Variants in ANKRD6 observed in about 807,000 individuals in gnomAD.
The protein encoded by ANKRD6 is ankyrin repeat domain 6.
In ANKRD6, 56 loss-of-function variants were observed where a neutral mutation model predicts 82.3. The ratio of observed to expected loss-of-function variants is 0.68; its 90% CI spans 0.55 to 0.85. The LOEUF is 0.85. Ranked by LOEUF, ANKRD6 falls within the 40% of genes least tolerant of loss-of-function variation. The pLI is 0.00. For missense variants in ANKRD6, 852 were observed against 907.6 expected, an observed-to-expected ratio of 0.94 and a Z score of 0.79; for synonymous variants, 347 against 352.1, an observed-to-expected ratio of 0.99 and a Z score of 0.16.
chr6:89,578,764 A>G (rs1791756463), intron 2 of ANKRD6, among the ~76,000 whole-genome samples: 1 of 152,168 alleles, frequency 6.6e-6, no homozygotes, highest in Non-Finnish European at 1.5e-5. Context: ...AGCTCTGCCA[A>G]GCTAGTGCTC....
chr6:89,526,640 A>G (rs778104920), intron 1 of ANKRD6, among the ~76,000 whole-genome samples: 6 of 152,210 alleles, frequency 3.9e-5, no homozygotes, highest in Non-Finnish European at 7.3e-5. Context: ...GAGAAACAGA[A>G]TCAAGAGGAC....
chr6:89,469,432 C>T (rs1310947950), intron 1 of ANKRD6, among the ~76,000 whole-genome samples: 4 of 152,208 alleles, frequency 2.6e-5, no homozygotes, highest in Admixed American at 1.3e-4. Flanking sequence ...GAGTGGGTCA[C>T]TGCACACCCC....
At chr6:89,503,810 T>C (rs1279799477) in intron 1 of ANKRD6, among the ~76,000 whole-genome samples, 1 of 152,034 alleles carries the variant, frequency 6.6e-6, no homozygotes, top group African/African-American at 2.4e-5. Context: ...CACTAGCTGG[T>C]GATAAGAGCA....
At chr6:89,601,368 A>C (rs1414583185) in intron 3 of ANKRD6, among the ~76,000 whole-genome samples, 1 of 152,116 alleles carries the variant, frequency 6.6e-6, no homozygotes, top group Non-Finnish European at 1.5e-5. Context: ...TCACTGCAGA[A>C]ATTCCTTACC....
chr6:89,471,573 G>T (rs1258520048), intron 1 of ANKRD6, among the ~76,000 whole-genome samples: 5 of 150,616 alleles, frequency 3.3e-5, no homozygotes, highest in Non-Finnish European at 7.4e-5. Context: ...GGAAAGAGTG[G>T]CCGGAAAGTT....
chr6:89,465,644 T>G (rs2127778649), intron 1 of ANKRD6, among the ~76,000 whole-genome samples: 1 of 152,030 alleles, frequency 6.6e-6, no homozygotes, highest in Non-Finnish European at 1.5e-5. Context: ...GAGGATTGCT[T>G]GAAGCCAAGA....
chr6:89,609,412 C>T (rs1563048004), intron 5 of ANKRD6, among the ~76,000 whole-genome samples: 1 of 152,102 alleles, frequency 6.6e-6, no homozygotes, highest in Non-Finnish European at 1.5e-5. Context: ...AGCGATTCTC[C>T]TGCCTCACCC....
chr6:89,514,223 A>G (rs1329913466), intron 1 of ANKRD6, among the ~76,000 whole-genome samples: 2 of 152,144 alleles, frequency 1.3e-5, no homozygotes, highest in African/African-American at 2.4e-5. Context: ...CTAAAAATAC[A>G]AAAAATTAGC....
chr6:89,564,037 G>C lies in ANKRD6; in HGVS notation c.-143-2797G>C, dbSNP rs9451244. ...CAAACTGTGTGTAAATGCACCTGCA[G>C]GTGAAGGCTGGAGATCCTAGTAAGG... On this transcript the variant is annotated intron_variant, in intron 1 of 15. Transcript: ENST00000339746. 4.5e-3 allele frequency among the ~76,000 whole-genome samples: 686 copies of C among 152,362 alleles called. 5 individuals carry two copies. Among genetic ancestry groups the C allele is most frequent in the African/African-American group, 0.016 (660 of 41,584 alleles).
intron 5 of ANKRD6, among the ~76,000 whole-genome samples, chr6:89,608,884 G>T (rs1015965741): frequency 6.6e-6 from 1 of 152,016 alleles, no homozygotes; most frequent in African/African-American, 2.4e-5. Context: ...TCTGCTCAGC[G>T]ACCTTCTCAT....
chr6:89,542,262 G>A (rs573617122), intron 1 of ANKRD6, among the ~76,000 whole-genome samples: 76 of 152,206 alleles, frequency 5.0e-4, no homozygotes, highest in African/African-American at 1.1e-3. Flanking sequence ...GGGTGAGAGG[G>A]ACAGGACTAC....
At chr6:89,443,532 T>TGTTGGGAAGTGCCTC (rs1341421109) in intron 1 of ANKRD6, among the ~76,000 whole-genome samples, 1 of 152,196 alleles carries the variant, frequency 6.6e-6, no homozygotes, top group African/African-American at 2.4e-5. Flanking sequence ...AGAGGTGTGA[T>TGTTGGGAAGTGCCTC]CATGGTTCTG....
In ANKRD6 at chr6:89,623,489, C is replaced by T. The variant is rs754044320; in HGVS notation, c.977C>T (p.Ser326Leu). ...GAAGAAGCCAGAGAAGAGTTCCTGT[C>T]AGCCTCCCCAGAACCCAGAGCAAAG... is the stretch of plus-strand genomic sequence containing the variant. ...RKEEAREEFLSASPEPRAKDD... is the reference protein window; with the variant it reads ...RKEEAREEFLLASPEPRAKDD... The change falls in exon 11 of 16, where the codon TCA becomes TTA. Residue 326 changes from serine (S) to leucine (L), a missense_variant. Transcript: ENST00000339746. The T allele has an allele frequency of 1.7e-5, 27 of 1,598,446 alleles. No individual in the cohort carries two copies. In the Admixed American group the frequency reaches 3.5e-4, roughly 21 times the overall value.
intron 4 of ANKRD6, among the ~76,000 whole-genome samples, chr6:89,605,379 C>G (rs928485901): frequency 1.3e-5 from 2 of 152,160 alleles, no homozygotes; most frequent in Non-Finnish European, 2.9e-5. Context: ...AAGACTGTCT[C>G]AAAAAATAAA....
intron 15 of ANKRD6, 41 bp downstream of exon 15, chr6:89,629,279 C>T (rs766858783): frequency 3.7e-6 from 6 of 1,611,646 alleles, no homozygotes; most frequent in African/African-American, 1.3e-5. Context: ...AAAAGGAACA[C>T]GACCAGCAGC....
chr6:89,553,209 A>G (rs2128036184), intron 1 of ANKRD6, among the ~76,000 whole-genome samples: 1 of 152,352 alleles, frequency 6.6e-6, no homozygotes, highest in East Asian at 1.9e-4. Flanking sequence ...GAATGATTGA[A>G]TAAAATGGGA....
intron 1 of ANKRD6, among the ~76,000 whole-genome samples, chr6:89,496,698 A>G (rs1322636653): frequency 6.6e-6 from 1 of 151,880 alleles, no homozygotes; most frequent in Non-Finnish European, 1.5e-5. Flanking sequence ...AATTTTTTGT[A>G]TTTTTAGTAG....
chr6:89,545,405 T>C (rs1784970873), intron 1 of ANKRD6, among the ~76,000 whole-genome samples: 2 of 152,092 alleles, frequency 1.3e-5, no homozygotes. Context: ...GTAGTCCCAC[T>C]CTTTGGTGTC....
chr6:89,547,227 A>G (rs1382823014), intron 1 of ANKRD6, among the ~76,000 whole-genome samples: 3 of 151,776 alleles, frequency 2.0e-5, no homozygotes, highest in Non-Finnish European at 2.9e-5. Flanking sequence ...TGTTCTAGCA[A>G]TGAGTTGAGG....
Sources: allele counts gnomAD v4.1 joint callset (sites outside exome capture counted in the v4.1 genomes callset), GRCh38; gene constraint gnomAD v4.1.1; transcripts MANE v1.5; gene names NCBI Gene and HGNC (gene_info 2026-07-23, HGNC 2026-07-21).